ZFP62: variants seen among roughly 807,000 people sequenced by gnomAD.
ZFP62 encodes the protein ZFP62 zinc finger protein.
In ZFP62, 44 loss-of-function variants were observed where a neutral mutation model predicts 56.4. The ratio of observed to expected loss-of-function variants is 0.78; its 90% CI spans 0.61 to 1.00. The LOEUF (loss-of-function observed/expected upper bound fraction) is 1.00. ZFP62 is among the 50% of genes least tolerant of loss of function. ZFP62 has a pLI of 0.00. For missense variants in ZFP62, 1,030 were observed against 1,085.7 expected (o/e 0.95, Z 0.72); for synonymous variants, 421 against 388.9 (o/e 1.08, Z -0.97).
chr5:180,849,352 T>C lies in ZFP62; in HGVS notation c.2143A>G (p.Thr715Ala), dbSNP rs1316575834. Residue 715 changes from threonine (T) to alanine (A), a missense_variant, in exon 2 of 2, where the codon ACT becomes GCT. Thr to Ala is a moderately conservative substitution (Grantham distance 58). Coordinates refer to ENST00000502412, the MANE Select transcript of ZFP62 (RefSeq NM_001172638.2). The stretch of plus-strand genomic sequence containing the variant: ...TGGACTCTTTTATGGCTTATAAGAG[T>C]TCTGCTTGAGAAAAAAGCTTTTCCA... ...ECGKAFFSSR[T>A]LISHKRVHLG... The C allele has an allele frequency of 1.9e-6, 3 of 1,551,422 alleles. No homozygotes were observed. In the Admixed American group the frequency reaches 5.9e-5, roughly 30 times the overall value.
At position 180,851,436 on chromosome 5, in the gene ZFP62, A is replaced by C. The variant is rs1381911705; in HGVS notation, c.59T>G (p.Val20Gly). ...TGGCCACTTAGATGCTGCATTTCCAACATTTTCATATTCTTCAGTTGGTTC... is the reference window on the plus strand; with the variant it reads ...TGGCCACTTAGATGCTGCATTTCCACCATTTTCATATTCTTCAGTTGGTTC... ...DEEPTEEYENVGNAASKWPKV... is the reference protein window; with the variant it reads ...DEEPTEEYENGGNAASKWPKV... The change falls in exon 2 of 2, where the codon GTT becomes GGT. Residue 20 changes from valine (V) to glycine (G), a missense_variant. Transcript: ENST00000502412. 1 of 1,551,436 alleles carries C rather than the reference A, an allele frequency of 6.4e-7. No homozygotes were observed. Among genetic ancestry groups the C allele is most frequent in the Non-Finnish European group, 8.7e-7 (1 of 1,146,934 alleles).
Position 180,849,615 on chromosome 5 carries a change from T to C in ZFP62, c.1880A>G (p.Asn627Ser). ...YKCDVCEKSFNYTSLLSQHRR... is the reference protein window; with the variant it reads ...YKCDVCEKSFSYTSLLSQHRR... ...GTGCTGAGAAAGGAGCGATGTGTAA[T>C]TAAAAGATTTCTCACACACATCACA... Residue 627 changes from asparagine (N) to serine (S), a missense_variant, in exon 2 of 2, where the codon AAT becomes AGT. Coordinates refer to ENST00000502412, the MANE Select transcript of ZFP62 (RefSeq NM_001172638.2). 1.3e-6 allele frequency: 2 copies of C among 1,551,710 alleles called. No individual in the cohort carries two copies. The highest frequency in any genetic ancestry group is 4.9e-5 in the East Asian group (2 of 40,872).
chr5:180,832,285 C>T, the ZFP62 span, among the ~76,000 whole-genome samples: 3 of 152,082 alleles, frequency 2.0e-5, no homozygotes, highest in African/African-American at 7.2e-5. Flanking sequence ...CCCAGGTAGC[C>T]GGGACTACAG....
intron 1 of ZFP62, among the ~76,000 whole-genome samples, chr5:180,856,700 A>G (rs993797290): frequency 6.6e-6 from 1 of 151,600 alleles, no homozygotes; most frequent in African/African-American, 2.4e-5. Context: ...CACGCCTGTA[A>G]TCCCAGCACT....
chr5:180,847,896 T>C lies in ZFP62; in HGVS notation c.*896A>G, dbSNP rs1296424984. On this transcript the variant is annotated 3_prime_UTR_variant, in exon 2 of 2. Transcript: ENST00000502412. The stretch of plus-strand genomic sequence containing the variant: ...CGTTCCTTCTCAGCATTTCTATTCA[T>C]AGGAATCCCTGAATCACTTCTGTCA... The C allele has an allele frequency of 3.0e-6, 3 of 985,362 alleles. No individual in the cohort carries two copies. The highest frequency in any genetic ancestry group is 3.5e-5 in the African/African-American group (2 of 57,256). 61.0% of individuals were successfully genotyped at this position (985,362 alleles called of 1,614,324 possible).
chr5:180,831,095 G>GT, the ZFP62 span: 1 of 152,458 alleles, frequency 6.6e-6, no homozygotes, highest in Non-Finnish European at 1.5e-5. Flanking sequence ...ACGTGGCTTT[G>GT]GGCTGTGGAA....
At chr5:180,856,815 A>G (rs993472699) in intron 1 of ZFP62, among the ~76,000 whole-genome samples, 2 of 151,828 alleles carry the variant, frequency 1.3e-5, no homozygotes, top group Non-Finnish European at 2.9e-5. Context: ...ATGGCCGGGC[A>G]TGGTGGTGGG....
chr5:180,843,083 GTAAT>G (rs966356859), downstream of ZFP62, among the ~76,000 whole-genome samples: 3 of 148,994 alleles, frequency 2.0e-5, no homozygotes, highest in African/African-American at 4.9e-5. Context: ...AAAAAGAAAA[GTAAT>G]TAAACGTTTG....
intron 1 of ZFP62, among the ~76,000 whole-genome samples, chr5:180,859,490 G>T (rs147549736): frequency 6.6e-6 from 1 of 152,214 alleles, no homozygotes; most frequent in Admixed American, 6.5e-5. Context: ...TATGATTAAC[G>T]TGAGTTGGTT....
chr5:180,849,563 G>C lies in ZFP62; in HGVS notation c.1932C>G (p.Pro644=). ...QHRRVHTREK[P]YECDRCEKVF... The stretch of plus-strand genomic sequence containing the variant: ...CCTTCTCACACCTGTCACATTCATA[G>C]GGTTTCTCTCTAGTGTGGACCCTTC... Residue 644 remains proline, a synonymous_variant, in exon 2 of 2, where the codon CCC becomes CCG. Coordinates refer to ENST00000502412, the MANE Select transcript of ZFP62 (RefSeq NM_001172638.2). 2 of 1,552,158 alleles carry C rather than the reference G, an allele frequency of 1.3e-6. No homozygotes were observed. The highest frequency in any genetic ancestry group is 2.4e-5 in the South Asian group (2 of 84,054).
the ZFP62 span, among the ~76,000 whole-genome samples, chr5:180,840,973 A>AG: frequency 6.6e-6 from 1 of 152,164 alleles, no homozygotes; most frequent in African/African-American, 2.4e-5. Context: ...GCTGGAACCT[A>AG]GGAACTCCAT....
chr5:180,860,831 G>A (rs1198456316), intron 1 of ZFP62: 3 of 264,422 alleles, frequency 1.1e-5, no homozygotes, highest in Non-Finnish European at 2.1e-5. Flanking sequence ...AGCACGAAAT[G>A]GTGGGTATTT....
the ZFP62 span, chr5:180,831,270 C>T: frequency 6.6e-6 from 1 of 152,636 alleles, no homozygotes; most frequent in Non-Finnish European, 1.5e-5. Flanking sequence ...CAGAGCGGCC[C>T]CAGGGCCTCT....
chr5:180,836,975 C>T, the ZFP62 span, among the ~76,000 whole-genome samples: 1 of 152,200 alleles, frequency 6.6e-6, no homozygotes, highest in East Asian at 1.9e-4. Context: ...AGCTATAAAA[C>T]CCACATTTTT....
intron 1 of ZFP62, among the ~76,000 whole-genome samples, chr5:180,854,245 G>A (rs1342031422): frequency 6.6e-6 from 1 of 152,174 alleles, no homozygotes; most frequent in Non-Finnish European, 1.5e-5. Context: ...CAAAAAAAGG[G>A]TAGGGACACG....
chr5:180,861,257 G>A lies in ZFP62; in HGVS notation c.-38C>T, dbSNP rs1024090017. 11 of 397,578 alleles carry A rather than the reference G, an allele frequency of 2.8e-5. 1 individual carries two copies. In the South Asian group the frequency reaches 1.3e-3, roughly 46 times the overall value. The allele number at this position is 397,578 out of a possible 1,614,324, so 24.6% of individuals were successfully genotyped here. ...GCCGCGGGAACCCGGCCGCCAGCGG[G>A]ACAAAAGCGCGGACCGCACGGCCGG... On this transcript the variant is annotated 5_prime_UTR_variant, in exon 1 of 2. Transcript: ENST00000502412.
chr5:180,846,405 G>T (rs2113664440), downstream of ZFP62, among the ~76,000 whole-genome samples: 1 of 152,320 alleles, frequency 6.6e-6, no homozygotes, highest in African/African-American at 2.4e-5. Context: ...TGTGTGAGGA[G>T]CACATGGAAA....
At chr5:180,846,882 T>C (rs1773424388), downstream of ZFP62, among the ~76,000 whole-genome samples, 1 of 152,188 alleles carries the variant, frequency 6.6e-6, no homozygotes, top group African/African-American at 2.4e-5. Flanking sequence ...GTGTATAGGG[T>C]CAGGCTTGCC....
At chr5:180,851,626 C>A in intron 1 of ZFP62, 133 bp from the exon 2 acceptor site, 1 of 1,075,962 alleles carries the variant, frequency 9.3e-7, no homozygotes, top group Non-Finnish European at 1.3e-6. Flanking sequence ...TACCATGTGC[C>A]ATGTACCGGT....
Sources: allele counts gnomAD v4.1 joint callset (sites outside exome capture counted in the v4.1 genomes callset), GRCh38; gene constraint gnomAD v4.1.1; transcripts MANE v1.5; gene names NCBI Gene and HGNC (gene_info 2026-07-23, HGNC 2026-07-21).